The following CD226 variants were observed in gnomAD, a reference collection of about 807,000 sequenced individuals.
CD226 encodes CD226 molecule.
Under a neutral mutation model 34.9 loss-of-function variants are expected in CD226, and 24 were observed. The observed-to-expected ratio is 0.69, with a 90% CI of 0.50 to 0.97. The LOEUF (loss-of-function observed/expected upper bound fraction) is 0.97, where lower values mean the gene tolerates loss of function less well. Among genes scored for constraint, CD226 ranks in the 50% least tolerant of loss-of-function variants. The pLI, the probability that CD226 is intolerant of heterozygous loss-of-function variation, is 0.00. For synonymous variants in CD226, 148 were observed against 147.4 expected (o/e 1.00, Z -0.03); for missense variants, 397 against 412.7 (o/e 0.96, Z 0.33).
chr18:69,867,137 C>T lies in CD226; in HGVS notation c.885+220G>A, dbSNP rs777536481. ...TGTTATTACGCCAGGGTAATTGCTCCTTTATTTATATTCATATAAAAAACT... is the reference window on the plus strand; with the variant it reads ...TGTTATTACGCCAGGGTAATTGCTCTTTTATTTATATTCATATAAAAAACT... On this transcript the variant is annotated intron_variant, in intron 5 of 5. Transcript: ENST00000582621. Among the ~76,000 whole-genome samples the T allele has an allele frequency of 3.0e-4, 45 of 152,232 alleles. 1 individual carries two copies. Among genetic ancestry groups the T allele is most frequent in the East Asian group, 1.9e-4 (1 of 5,184 alleles).
intron 2 of CD226, among the ~76,000 whole-genome samples, chr18:69,928,934 T>C (rs2055556084): frequency 6.6e-6 from 1 of 152,118 alleles, no homozygotes; most frequent in African/African-American, 2.4e-5. Context: ...CAAAGTGACT[T>C]TGGAAGGTAT....
At chr18:69,899,593 C>A (rs753643558) in intron 2 of CD226, among the ~76,000 whole-genome samples, 1 of 152,126 alleles carries the variant, frequency 6.6e-6, no homozygotes, top group African/African-American at 2.4e-5. Context: ...AAGAGGAAAA[C>A]GACCCCATTA....
intron 2 of CD226, among the ~76,000 whole-genome samples, chr18:69,910,471 G>A (rs2055310553): frequency 6.6e-6 from 1 of 152,242 alleles, no homozygotes. Context: ...ATGCTCTGCA[G>A]GACACTGGGC....
rs140375298 is a variant in CD226, at chr18:69,861,552, ATG to A, written c.*2760_*2761del. ...ATATAAATTATATGTGTATATATAT[ATG>A]TATATATATATATATATATGTAAAA... On this transcript the variant is annotated 3_prime_UTR_variant, in exon 6 of 6. Transcript: ENST00000582621. The A allele has an allele frequency of 8.0e-4, 64 of 80,016 alleles. No individual in the cohort carries two copies. The highest frequency in any genetic ancestry group is 2.9e-3 in the African/African-American group (63 of 21,582). 5.0% of individuals were successfully genotyped at this position (80,016 alleles called of 1,614,324 possible).
At chr18:69,886,416 C>A (rs1460196164) in intron 3 of CD226, among the ~76,000 whole-genome samples, 2 of 152,142 alleles carry the variant, frequency 1.3e-5, no homozygotes, top group Non-Finnish European at 2.9e-5. Flanking sequence ...TAGAAAACTT[C>A]AAAATGTGAC....
intron 3 of CD226, among the ~76,000 whole-genome samples, chr18:69,886,705 CA>C (rs34119278): frequency 0.2 from 29,130 of 142,444 alleles, 3,518 homozygotes; most frequent in African/African-American, 0.36. Context: ...GAACCTGTCT[CA>C]AAAAAAAAAT....
At chr18:69,912,502 T>C (rs913142465) in intron 2 of CD226, among the ~76,000 whole-genome samples, 26 of 152,238 alleles carry the variant, frequency 1.7e-4, no homozygotes, top group Admixed American at 4.6e-4. Flanking sequence ...CAAAGCTCTG[T>C]ACATTTTGAG....
At chr18:69,938,023 C>G (rs1160377428) in intron 2 of CD226, among the ~76,000 whole-genome samples, 1 of 152,194 alleles carries the variant, frequency 6.6e-6, no homozygotes, top group East Asian at 1.9e-4. Context: ...TAAGAGCCTT[C>G]TAAGAATGAG....
At chr18:69,879,115 G>A (rs1409463475) in intron 3 of CD226, among the ~76,000 whole-genome samples, 2 of 152,174 alleles carry the variant, frequency 1.3e-5, no homozygotes, top group South Asian at 4.1e-4. Context: ...GGCAACAAAA[G>A]ATCACAAGGC....
rs114433897 is a variant in CD226 at position 69,883,749 on chromosome 18, T to C, written c.728-10503A>G. On this transcript the variant is annotated intron_variant, in intron 3 of 5. Coordinates refer to ENST00000582621, the MANE Select transcript of CD226 (RefSeq NM_001303618.2). ...GTTTCAAATAAAACTAGTATGAGAA[T>C]GTATATGTTCTTATAACAATAGAAA... 1.5e-3 allele frequency among the ~76,000 whole-genome samples: 230 copies of C among 152,384 alleles called. 1 individual carries two copies. The highest frequency in any genetic ancestry group is 5.5e-3 in the African/African-American group (228 of 41,596).
At chr18:69,896,111 C>A (rs1985276257) in intron 2 of CD226, 66 bp from the exon 3 acceptor site, 1 of 1,529,846 alleles carries the variant, frequency 6.5e-7, no homozygotes, top group East Asian at 2.3e-5. Context: ...CTGGAAGATA[C>A]TTAATCATAA....
At chr18:69,906,014 A>G (rs550175287) in intron 2 of CD226, among the ~76,000 whole-genome samples, 12 of 152,254 alleles carry the variant, frequency 7.9e-5, no homozygotes, top group African/African-American at 1.2e-4. Context: ...TCCAGGTTCA[A>G]TTTCCTTCCT....
intron 3 of CD226, among the ~76,000 whole-genome samples, chr18:69,877,916 C>G (rs746978826): frequency 7.2e-5 from 11 of 152,180 alleles, no homozygotes; most frequent in Non-Finnish European, 1.2e-4. Context: ...AGTGGCCCAG[C>G]CTGTAGCTGA....
chr18:69,950,214 G>A (rs77635616), upstream of CD226, among the ~76,000 whole-genome samples: 2,174 of 151,782 alleles, frequency 0.014, 26 homozygotes, highest in Non-Finnish European at 0.019. Flanking sequence ...ACATGCATGC[G>A]TTTACACATG....
chr18:69,870,528 T>A (rs1210427241), intron 4 of CD226, among the ~76,000 whole-genome samples: 1 of 150,750 alleles, frequency 6.6e-6, no homozygotes, highest in African/African-American at 2.4e-5. Flanking sequence ...ACCCACCTCA[T>A]CCTCCCAAAG....
chr18:69,945,373 T>C (rs1242216014), intron 2 of CD226, among the ~76,000 whole-genome samples: 1 of 152,220 alleles, frequency 6.6e-6, no homozygotes, highest in Admixed American at 6.5e-5. Context: ...TGGAAAGTGA[T>C]GACTATAAAC....
intron 3 of CD226, among the ~76,000 whole-genome samples, chr18:69,894,199 T>C (rs1270609877): frequency 6.7e-6 from 1 of 150,070 alleles, no homozygotes; most frequent in African/African-American, 2.5e-5. Flanking sequence ...TATATGGACC[T>C]CTATATTTGT....
intron 5 of CD226, among the ~76,000 whole-genome samples, chr18:69,866,427 G>A (rs1202743528): frequency 1.3e-5 from 2 of 152,012 alleles, no homozygotes; most frequent in Non-Finnish European, 2.9e-5. Flanking sequence ...AACACTAAGG[G>A]GCAGCAGCAA....
intron 2 of CD226, among the ~76,000 whole-genome samples, chr18:69,922,929 C>T (rs552858377): frequency 6.6e-6 from 1 of 152,068 alleles, no homozygotes; most frequent in Non-Finnish European, 1.5e-5. Context: ...GTCAGGAGTT[C>T]GAGACCAGCC....
Sources: gnomAD v4.1 joint callset for allele counts (sites outside exome capture counted in the v4.1 genomes callset) on GRCh38, gnomAD v4.1.1 for gene constraint, MANE v1.5 for transcripts, NCBI Gene and HGNC (gene_info 2026-07-23, HGNC 2026-07-21) for gene names.